The following SCML2 variants were observed in gnomAD, a reference collection of about 807,000 sequenced individuals.
SCML2 encodes the protein sex comb on midleg-like protein 2.
SCML2 carries 6 observed loss-of-function variants against 48.4 expected under a neutral mutation model. That is an observed-to-expected ratio of 0.12 (90% CI 0.07 to 0.24). SCML2 has a LOEUF of 0.24. Ranked by LOEUF, SCML2 falls within the 10% of genes least tolerant of loss-of-function variation. The probability of loss-of-function intolerance (pLI) is 1.00; values close to 1 mark genes in which losing one functional copy is unlikely to be tolerated. For missense variants in SCML2, 377 were observed against 528.2 expected (o/e 0.71, Z 2.81); for synonymous variants, 181 against 189.5 (o/e 0.95, Z 0.37).
intron 7 of SCML2, among the ~76,000 whole-genome samples, chrX:18,280,853 A>C (rs1463004584): frequency 8.9e-6 from 1 of 112,161 alleles, no homozygotes; most frequent in Non-Finnish European, 1.9e-5. Flanking sequence ...CAGATTCATA[A>C]AACAAGTTCT....
intron 3 of SCML2, among the ~76,000 whole-genome samples, chrX:18,330,094 A>G (rs1273183504): frequency 9.0e-6 from 1 of 111,463 alleles, no homozygotes; most frequent in Non-Finnish European, 1.9e-5. Flanking sequence ...AGAAGAAGAA[A>G]AAACGTCTAA....
At chrX:18,250,506 C>T (rs1008259780) in intron 11 of SCML2, among the ~76,000 whole-genome samples, 5 of 109,763 alleles carry the variant, frequency 4.6e-5, no homozygotes, top group Non-Finnish European at 7.6e-5. Context: ...CTCAGCCTCC[C>T]GAGTAGCTGG....
intron 11 of SCML2, among the ~76,000 whole-genome samples, chrX:18,254,225 T>C (rs1294246885): frequency 8.9e-6 from 1 of 112,600 alleles, no homozygotes; most frequent in Non-Finnish European, 1.9e-5. Context: ...CAAAGTCTCC[T>C]AAGAAGAGCA....
intron 7 of SCML2, among the ~76,000 whole-genome samples, chrX:18,274,279 A>G (rs1270295040): frequency 1.8e-5 from 2 of 111,546 alleles, no homozygotes; most frequent in Non-Finnish European, 1.9e-5. Flanking sequence ...CAGCTCCTGC[A>G]CCTGCCCACC....
rs774935729 is a variant in SCML2 at position 18,270,174 on chromosome X, C to T, written c.731-4372G>A. The stretch of plus-strand genomic sequence containing the variant: ...TCCCAAGTAGCTAGGACTACAGGCG[C>T]GTGCCACCATGCCTGGATAATTTTT... On this transcript the variant is annotated intron_variant, in intron 7 of 14. Transcript: ENST00000251900. 4.3e-3 allele frequency among the ~76,000 whole-genome samples: 464 copies of T among 108,618 alleles called. 2 individuals are homozygous for T. Among genetic ancestry groups the T allele is most frequent in the African/African-American group, 0.015 (451 of 29,763 alleles). 94.3% of individuals were successfully genotyped at this position (108,618 alleles called of 115,157 possible).
At chrX:18,283,229 C>T (rs965836661) in intron 7 of SCML2, among the ~76,000 whole-genome samples, 6 of 111,856 alleles carry the variant, frequency 5.4e-5, no homozygotes, top group African/African-American at 1.9e-4. Context: ...GCAGAAAAAG[C>T]TTTCGATAAA....
At chrX:18,322,719 C>T (rs1330149785) in intron 5 of SCML2, among the ~76,000 whole-genome samples, 7 of 110,412 alleles carry the variant, frequency 6.3e-5, no homozygotes, top group Admixed American at 1.9e-4. Context: ...CATGGTGAGA[C>T]CCCGTCTCTA....
intron 3 of SCML2, among the ~76,000 whole-genome samples, chrX:18,327,138 G>A (rs1345836412): frequency 9.1e-6 from 1 of 110,357 alleles, no homozygotes; most frequent in Non-Finnish European, 1.9e-5. Flanking sequence ...GGGAGGCCGA[G>A]GTGGGCAGAT....
At chrX:18,302,817 G>C (rs1406689784) in intron 7 of SCML2, among the ~76,000 whole-genome samples, 1 of 112,149 alleles carries the variant, frequency 8.9e-6, no homozygotes, top group African/African-American at 3.2e-5. Flanking sequence ...AGATCTGCAT[G>C]TGCAGCTATC....
chrX:18,317,357 A>G (rs925567210), intron 6 of SCML2, among the ~76,000 whole-genome samples: 2 of 112,221 alleles, frequency 1.8e-5, no homozygotes, highest in African/African-American at 6.5e-5. Context: ...AGTTAAGTCA[A>G]TTCTAGGGTT....
At chrX:18,312,119 T>C (rs1024503610) in intron 6 of SCML2, among the ~76,000 whole-genome samples, 4 of 112,085 alleles carry the variant, frequency 3.6e-5, no homozygotes, top group Middle Eastern at 4.6e-3. Context: ...AGGAATACTC[T>C]GGTTGCTGTG....
chrX:18,279,969 C>T (rs1011271908), intron 7 of SCML2, among the ~76,000 whole-genome samples: 3 of 111,607 alleles, frequency 2.7e-5, no homozygotes, highest in Non-Finnish European at 3.8e-5. Flanking sequence ...GAAATTTTCC[C>T]TAATCTCACT....
chrX:18,338,815 G>A (rs1342465885), intron 1 of SCML2, among the ~76,000 whole-genome samples: 1 of 108,622 alleles, frequency 9.2e-6, no homozygotes, highest in Non-Finnish European at 1.9e-5. Context: ...TTGGGAGGCT[G>A]AGGTAGGAGA....
intron 7 of SCML2, among the ~76,000 whole-genome samples, chrX:18,294,751 C>T (rs950313732): frequency 1.8e-5 from 2 of 110,999 alleles, no homozygotes; most frequent in African/African-American, 6.6e-5. Flanking sequence ...GTGTCCTGCA[C>T]CCTGGGGAAC....
chrX:18,297,062 A>T (rs1928419853), intron 7 of SCML2, among the ~76,000 whole-genome samples: 2 of 112,123 alleles, frequency 1.8e-5, no homozygotes, highest in African/African-American at 6.5e-5. Context: ...GATTTGTCCC[A>T]AGGATGCAAC....
At chrX:18,350,150 C>A (rs1930327248) in intron 1 of SCML2, among the ~76,000 whole-genome samples, 1 of 110,115 alleles carries the variant, frequency 9.1e-6, no homozygotes, top group South Asian at 3.9e-4. Context: ...CATGGTGATG[C>A]ACGCCTGTAA....
chrX:18,273,722 AC>A (rs1356664347), intron 7 of SCML2, among the ~76,000 whole-genome samples: 1 of 111,697 alleles, frequency 9.0e-6, no homozygotes, highest in African/African-American at 3.3e-5. Context: ...GTGAGAACTT[AC>A]ATCTCTGTTT....
chrX:18,346,653 A>C (rs1356141440), intron 1 of SCML2, among the ~76,000 whole-genome samples: 1 of 112,541 alleles, frequency 8.9e-6, no homozygotes, highest in African/African-American at 3.2e-5. Context: ...TTATAAAGAC[A>C]CTACTTTTAG....
intron 6 of SCML2, among the ~76,000 whole-genome samples, chrX:18,308,838 G>A (rs1928850650): frequency 9.0e-6 from 1 of 111,422 alleles, no homozygotes; most frequent in African/African-American, 3.3e-5. Context: ...CTTCTCAAAA[G>A]AAGACATACA....
Sources: allele counts gnomAD v4.1 joint callset (sites outside exome capture counted in the v4.1 genomes callset), GRCh38; gene constraint gnomAD v4.1.1; transcripts MANE v1.5; gene names NCBI Gene and HGNC (gene_info 2026-07-23, HGNC 2026-07-21).